DIAPH2: variants seen among roughly 807,000 people sequenced by gnomAD.
DIAPH2 encodes diaphanous related formin 2.
In DIAPH2, 35 loss-of-function variants were observed where a neutral mutation model predicts 92.7. The ratio of observed to expected loss-of-function variants is 0.38; its 90% CI spans 0.29 to 0.50. The LOEUF (loss-of-function observed/expected upper bound fraction) is 0.50, where lower values mean the gene tolerates loss of function less well. DIAPH2 is among the 20% of genes least tolerant of loss of function. The pLI, the probability that DIAPH2 is intolerant of heterozygous loss-of-function variation, is 0.94. For missense variants in DIAPH2, 701 were observed against 819.5 expected (o/e 0.86, Z 1.77); for synonymous variants, 301 against 280.4 (o/e 1.07, Z -0.73).
At chrX:96,771,186 A>G (rs1349337501) in intron 4 of DIAPH2, among the ~76,000 whole-genome samples, 1 of 112,053 alleles carries the variant, frequency 8.9e-6, no homozygotes, top group Non-Finnish European at 1.9e-5. Flanking sequence ...GAATGTTAGT[A>G]TTATGTTTAG....
intron 22 of DIAPH2, among the ~76,000 whole-genome samples, chrX:97,170,883 A>T (rs76412608): frequency 0.036 from 3,930 of 108,715 alleles, 78 homozygotes; most frequent in Non-Finnish European, 0.057. Flanking sequence ...TTATTTATTT[A>T]TTTATTTTTT....
At chrX:97,529,967 G>C (rs1238510679) in intron 26 of DIAPH2, among the ~76,000 whole-genome samples, 1 of 112,245 alleles carries the variant, frequency 8.9e-6, no homozygotes, top group Non-Finnish European at 1.9e-5. Flanking sequence ...AGCCAAGACA[G>C]CCAGGGCTTG....
chrX:96,685,509 A>C (rs2063766289), intron 1 of DIAPH2, among the ~76,000 whole-genome samples: 1 of 112,971 alleles, frequency 8.9e-6, no homozygotes, highest in Admixed American at 9.2e-5. Flanking sequence ...TTGTGGGCGC[A>C]AACCTTTGCG....
chrX:97,237,666 C>G (rs1464475064), intron 22 of DIAPH2, among the ~76,000 whole-genome samples: 1 of 110,336 alleles, frequency 9.1e-6, no homozygotes, highest in African/African-American at 3.3e-5. Flanking sequence ...ACTGCAAGCT[C>G]CACCTCCCGG....
In DIAPH2 at chrX:96,900,793, A is replaced by T. The variant is rs187767989; in HGVS notation, c.588-11535A>T. Among the ~76,000 whole-genome samples the T allele has an allele frequency of 6.9e-4, 77 of 111,841 alleles. 1 individual carries two copies. The highest frequency in any genetic ancestry group is 2.5e-3 in the African/African-American group (77 of 30,842). On this transcript the variant is annotated intron_variant, in intron 5 of 26. Coordinates refer to ENST00000324765, the MANE Select transcript of DIAPH2 (RefSeq NM_006729.5). ...TATGCTAAACTATTCTTGCTAAACT[A>T]TTCATCCCTGGGATGAAACCCACTT... is the stretch of plus-strand genomic sequence containing the variant.
At chrX:97,135,196 T>C (rs2067162217) in intron 21 of DIAPH2, among the ~76,000 whole-genome samples, 1 of 109,386 alleles carries the variant, frequency 9.1e-6, no homozygotes, top group Non-Finnish European at 1.9e-5. Flanking sequence ...AGTTTTGCTT[T>C]GTTTTGTTTT....
At chrX:97,421,558 C>T (rs779430860) in intron 25 of DIAPH2, among the ~76,000 whole-genome samples, 1 of 112,007 alleles carries the variant, frequency 8.9e-6, no homozygotes, top group South Asian at 3.7e-4. Flanking sequence ...GATGACCTTG[C>T]TCACAAAACA....
chrX:97,075,098 T>C lies in DIAPH2; in HGVS notation c.2153-69T>C, dbSNP rs1406001653. Reference sequence around the variant, plus strand: ...ATATTTTGAGTCTATGAAATGAAAATCAGACGTTTATTAGGACTTTAACAT... The same window carrying C: ...ATATTTTGAGTCTATGAAATGAAAACCAGACGTTTATTAGGACTTTAACAT... On this transcript the variant is annotated intron_variant, in intron 18 of 26. Coordinates refer to ENST00000324765, the MANE Select transcript of DIAPH2 (RefSeq NM_006729.5). The C allele has an allele frequency of 2.2e-5, 15 of 667,032 alleles. No individual in the cohort carries two copies. In the Admixed American group the frequency reaches 4.9e-4, roughly 22 times the overall value. 55.0% of individuals were successfully genotyped at this position (667,032 alleles called of 1,213,427 possible).
chrX:97,573,915 C>T, intron 26 of DIAPH2, among the ~76,000 whole-genome samples: 1 of 111,269 alleles, frequency 9.0e-6, no homozygotes, highest in East Asian at 2.8e-4. Context: ...CCCACCTCGG[C>T]CTCCCAAAGT....
intron 17 of DIAPH2, among the ~76,000 whole-genome samples, chrX:96,991,331 T>A (rs1428557648): frequency 9.1e-6 from 1 of 109,978 alleles, no homozygotes; most frequent in Non-Finnish European, 1.9e-5. Flanking sequence ...TTGGCCAGGC[T>A]GGTCTCAAAC....
intron 17 of DIAPH2, among the ~76,000 whole-genome samples, chrX:96,969,713 A>G (rs1421221289): frequency 3.6e-5 from 4 of 110,983 alleles, no homozygotes; most frequent in Non-Finnish European, 7.6e-5. Flanking sequence ...TCCTATTTGG[A>G]TATCTTTTAT....
At chrX:96,748,639 A>G (rs192137270) in intron 3 of DIAPH2, among the ~76,000 whole-genome samples, 320 of 111,864 alleles carry the variant, frequency 2.9e-3, no homozygotes, top group African/African-American at 9.7e-3. Flanking sequence ...CAAGGAGCTT[A>G]TGTTCTGGCA....
chrX:96,700,700 A>G (rs2063850498), intron 1 of DIAPH2, among the ~76,000 whole-genome samples: 1 of 112,244 alleles, frequency 8.9e-6, no homozygotes, highest in African/African-American at 3.2e-5. Context: ...ACATACACAG[A>G]CACACATGGA....
At chrX:97,509,631 T>A (rs6620296) in intron 26 of DIAPH2, among the ~76,000 whole-genome samples, 4 of 106,278 alleles carry the variant, frequency 3.8e-5, no homozygotes, top group African/African-American at 1.4e-4. Context: ...TAGCATTAGG[T>A]GTATCTCCTA....
chrX:97,451,315 T>A (rs2147793958), intron 26 of DIAPH2, among the ~76,000 whole-genome samples: 1 of 111,781 alleles, frequency 8.9e-6, no homozygotes, highest in Admixed American at 9.5e-5. Context: ...CTCTGTGTGA[T>A]CTGACATGTA....
intron 16 of DIAPH2, among the ~76,000 whole-genome samples, chrX:96,960,697 T>C (rs1282181399): frequency 8.9e-6 from 1 of 111,762 alleles, no homozygotes; most frequent in Non-Finnish European, 1.9e-5. Context: ...GGAAAGGCTT[T>C]CATGTTTTGT....
intron 4 of DIAPH2, among the ~76,000 whole-genome samples, chrX:96,873,282 G>A (rs945353296): frequency 9.0e-6 from 1 of 111,287 alleles, no homozygotes; most frequent in Non-Finnish European, 1.9e-5. Flanking sequence ...CAGATTATTA[G>A]TTTTTTTCCT....
chrX:97,413,749 AC>A (rs2069906891), intron 25 of DIAPH2, among the ~76,000 whole-genome samples: 1 of 111,910 alleles, frequency 8.9e-6, no homozygotes, highest in Non-Finnish European at 1.9e-5. Flanking sequence ...ATTCCTATAC[AC>A]AAATAACAGA....
intron 4 of DIAPH2, among the ~76,000 whole-genome samples, chrX:96,813,947 G>C (rs779912626): frequency 9.0e-6 from 1 of 111,627 alleles, no homozygotes; most frequent in South Asian, 3.8e-4. Flanking sequence ...CTCTCTGGCT[G>C]CCCTTAGCCT....
Sources: allele counts gnomAD v4.1 joint callset (sites outside exome capture counted in the v4.1 genomes callset), GRCh38; gene constraint gnomAD v4.1.1; transcripts MANE v1.5; gene names NCBI Gene and HGNC (gene_info 2026-07-23, HGNC 2026-07-21).